FAM120A: variants seen among roughly 807,000 people sequenced by gnomAD.
The protein encoded by FAM120A is constitutive coactivator of PPAR-gamma-like protein 1.
Under a neutral mutation model 109.7 loss-of-function variants are expected in FAM120A, and 15 were observed. The observed-to-expected ratio is 0.14, with a 90% confidence interval of 0.09 to 0.21. The LOEUF (loss-of-function observed/expected upper bound fraction) is 0.21. Ranked by LOEUF, FAM120A falls within the 10% of genes least tolerant of loss-of-function variation. The pLI, the probability that FAM120A is intolerant of heterozygous loss-of-function variation, is 1.00. For synonymous variants in FAM120A, 493 were observed against 572.8 expected (o/e 0.86, Z 1.99); for missense variants, 899 against 1,439.3 (o/e 0.62, Z 6.07).
At chr9:93,527,891 G>C (rs1039509756) in intron 8 of FAM120A, among the ~76,000 whole-genome samples, 8 of 152,030 alleles carry the variant, frequency 5.3e-5, no homozygotes, top group African/African-American at 1.9e-4. Context: ...CCAAAGTGCT[G>C]GGATTATAGA....
At chr9:93,453,374 C>G (rs1443737934) in intron 1 of FAM120A, 3 of 985,366 alleles carry the variant, frequency 3.0e-6, no homozygotes, top group Non-Finnish European at 3.6e-6. Context: ...CATCCATGAT[C>G]CTGGACTTCA....
At chr9:93,456,552 G>C (rs922055362) in intron 1 of FAM120A, among the ~76,000 whole-genome samples, 2 of 152,190 alleles carry the variant, frequency 1.3e-5, no homozygotes, top group African/African-American at 4.8e-5. Context: ...ACTGGTATCA[G>C]ACCAGGTGCT....
chr9:93,485,394 G>A (rs565885072), intron 3 of FAM120A, among the ~76,000 whole-genome samples: 6 of 152,042 alleles, frequency 3.9e-5, no homozygotes, highest in Admixed American at 1.3e-4. Context: ...TCAGGAGTTC[G>A]AGACCAGCCT....
chr9:93,510,661 G>A (rs2131388540), intron 5 of FAM120A, among the ~76,000 whole-genome samples: 2 of 152,276 alleles, frequency 1.3e-5, no homozygotes, highest in Middle Eastern at 6.8e-3. Flanking sequence ...ATGAGTGTGT[G>A]TAGAAACAGT....
At chr9:93,520,080 C>G (rs1860782751) in intron 7 of FAM120A, among the ~76,000 whole-genome samples, 1 of 152,122 alleles carries the variant, frequency 6.6e-6, no homozygotes, top group Non-Finnish European at 1.5e-5. Flanking sequence ...CTGTATTGCC[C>G]AGGCTGGTTT....
intron 1 of FAM120A, among the ~76,000 whole-genome samples, chr9:93,458,556 A>G (rs1857657109): frequency 6.6e-6 from 1 of 152,152 alleles, no homozygotes; most frequent in Non-Finnish European, 1.5e-5. Flanking sequence ...CCAACATTTG[A>G]ATTCACCATA....
intron 5 of FAM120A, among the ~76,000 whole-genome samples, chr9:93,505,298 G>A (rs536260014): frequency 6.6e-6 from 1 of 151,982 alleles, no homozygotes; most frequent in Non-Finnish European, 1.5e-5. Flanking sequence ...CTGACCTCGT[G>A]ATCCGCCCGC....
chr9:93,534,530 G>GGC (rs1281105349), intron 10 of FAM120A, among the ~76,000 whole-genome samples: 3 of 152,192 alleles, frequency 2.0e-5, no homozygotes, highest in Non-Finnish European at 4.4e-5. Flanking sequence ...GGCAGCAGGT[G>GGC]GCACTGGGTC....
chr9:93,464,899 C>T (rs1046948077), intron 1 of FAM120A, among the ~76,000 whole-genome samples: 3 of 152,170 alleles, frequency 2.0e-5, no homozygotes, highest in Non-Finnish European at 4.4e-5. Flanking sequence ...CTGAACATTG[C>T]GTTTAATAGT....
At chr9:93,519,285 A>G (rs1393228481) in intron 7 of FAM120A, among the ~76,000 whole-genome samples, 3 of 152,220 alleles carry the variant, frequency 2.0e-5, no homozygotes, top group Admixed American at 6.5e-5. Flanking sequence ...CTTGTTGGCC[A>G]GGCTGGAGTG....
At chr9:93,486,533 T>C (rs1187780504) in intron 3 of FAM120A, among the ~76,000 whole-genome samples, 3 of 151,782 alleles carry the variant, frequency 2.0e-5, no homozygotes, top group Admixed American at 1.3e-4. Context: ...CTTTTCTTTT[T>C]TCTTTTTTTT....
intron 12 of FAM120A, among the ~76,000 whole-genome samples, chr9:93,555,872 A>G (rs1489157764): frequency 1.3e-5 from 2 of 152,278 alleles, no homozygotes; most frequent in African/African-American, 4.8e-5. Flanking sequence ...TAATGTGAAC[A>G]TAAAGTATAA....
At chr9:93,480,619 G>A (rs1858758127) in intron 3 of FAM120A, among the ~76,000 whole-genome samples, 1 of 151,946 alleles carries the variant, frequency 6.6e-6, no homozygotes, top group African/African-American at 2.4e-5. Flanking sequence ...GAAGAGTTGA[G>A]ATACACTCCT....
At chr9:93,486,535 C>CTTTTTTTTTTTTTTTTTT (rs139344165) in intron 3 of FAM120A, among the ~76,000 whole-genome samples, 1 of 138,580 alleles carries the variant, frequency 7.2e-6, no homozygotes. Context: ...TTTCTTTTTT[C>CTTTTTTTTTTTTTTTTTT]TTTTTTTTTT....
intron 5 of FAM120A, among the ~76,000 whole-genome samples, chr9:93,510,312 A>T (rs1299761742): frequency 6.6e-6 from 1 of 152,246 alleles, no homozygotes; most frequent in African/African-American, 2.4e-5. Context: ...TTTTGAACTT[A>T]AAAATCGAAT....
chr9:93,534,165 T>C (rs921961950), intron 10 of FAM120A, among the ~76,000 whole-genome samples: 13 of 151,844 alleles, frequency 8.6e-5, no homozygotes, highest in African/African-American at 3.1e-4. Flanking sequence ...GGTTGGGAGG[T>C]CTCCGTCTGG....
chr9:93,521,487 C>A (rs62574550), intron 7 of FAM120A, among the ~76,000 whole-genome samples: 1 of 151,396 alleles, frequency 6.6e-6, no homozygotes, highest in East Asian at 1.9e-4. Context: ...GTGGCTAAGA[C>A]GGAAGGATCA....
chr9:93,452,212 G>C lies in FAM120A; in HGVS notation c.297G>C (p.Ala99=), dbSNP rs1460804638. 1 of 1,611,540 alleles carries C rather than the reference G, an allele frequency of 6.2e-7. No homozygotes were observed. The highest frequency in any genetic ancestry group is 8.5e-7 in the Non-Finnish European group (1 of 1,179,614). Residue 99 remains alanine (A), a synonymous_variant, in exon 1 of 18, where the codon GCG becomes GCC. Transcript: ENST00000277165. This position sits in a 1 kb window ranked among gnomAD's most constrained non-coding sequence, Gnocchi z 7.0. ...AGCTCTTCGTCTTCTTCAACGGCGC[G>C]CTCGAGAAGGCCCGGCTGCACGAGT... ...NIELFVFFNG[A]LEKARLHEWV... is the part of the protein sequence containing the mutation.
chr9:93,543,123 G>A (rs556063522), intron 10 of FAM120A, 99 bp from the exon 11 acceptor site: 22 of 1,449,926 alleles, frequency 1.5e-5, no homozygotes, highest in South Asian at 1.2e-4. Flanking sequence ...CCTGAGAGGC[G>A]AATCTTTAGA....
Sources: gnomAD v4.1 joint callset for allele counts (sites outside exome capture counted in the v4.1 genomes callset) on GRCh38, gnomAD v4.1.1 for gene constraint, Gnocchi (gnomAD v3.1) non-coding constraint, MANE v1.5 for transcripts, NCBI Gene and HGNC (gene_info 2026-07-23, HGNC 2026-07-21) for gene names.